The following REC114 variants were observed in gnomAD, a reference collection of about 807,000 sequenced individuals.
REC114 encodes the protein meiotic recombination protein REC114.
Under a neutral mutation model 31.3 loss-of-function variants are expected in REC114, and 27 were observed. The observed-to-expected ratio is 0.86, with a 90% CI of 0.64 to 1.19. The LOEUF (loss-of-function observed/expected upper bound fraction) is 1.19, where lower values mean the gene tolerates loss of function less well. REC114 is among the 50% of genes most tolerant of loss of function. The pLI is 0.00. For synonymous variants in REC114, 134 were observed against 127.7 expected, an observed-to-expected ratio of 1.05 and a Z score of -0.33; for missense variants, 344 against 326.9, an observed-to-expected ratio of 1.05 and a Z score of -0.40.
intron 1 of REC114, among the ~76,000 whole-genome samples, chr15:73,452,153 G>A (rs1205768454): frequency 6.6e-6 from 1 of 152,158 alleles, no homozygotes; most frequent in Non-Finnish European, 1.5e-5. Context: ...GCAAGAGAAA[G>A]AAATAAAGGG....
intron 3 of REC114, among the ~76,000 whole-genome samples, chr15:73,542,841 A>G (rs1894258464): frequency 6.6e-6 from 1 of 152,172 alleles, no homozygotes; most frequent in South Asian, 2.1e-4. Context: ...GTTTGGATGC[A>G]CTAGGGTTTA....
chr15:73,556,097 G>A lies in REC114; in HGVS notation c.547-205G>A, dbSNP rs549826840. ...GAACATCAAATAGAGGTCAGGAGCC[G>A]CAAATTTAAACTCAGTACTTCTGCT... On this transcript the variant is annotated intron_variant, in intron 4 of 5. Coordinates refer to ENST00000331090, the MANE Select transcript of REC114 (RefSeq NM_001042367.2). Among the ~76,000 whole-genome samples, 8 of 152,286 alleles carry A rather than the reference G, an allele frequency of 5.3e-5. No homozygotes were observed. The South Asian group carries it at 6.2e-4, about 12-fold the overall frequency.
At chr15:73,473,261 T>C (rs1270565182) in intron 1 of REC114, among the ~76,000 whole-genome samples, 1 of 151,978 alleles carries the variant, frequency 6.6e-6, no homozygotes, top group African/African-American at 2.4e-5. Context: ...TGGTGGCGCA[T>C]GCCTGTAATC....
At chr15:73,548,140 CTTGCTG>C (rs1201534764) in intron 3 of REC114, among the ~76,000 whole-genome samples, 1 of 151,964 alleles carries the variant, frequency 6.6e-6, no homozygotes, top group Non-Finnish European at 1.5e-5. Context: ...GAGATGGAGT[CTTGCTG>C]TTGCCAGGCT....
chr15:73,463,245 A>G (rs1393108086), intron 1 of REC114, among the ~76,000 whole-genome samples: 3 of 152,034 alleles, frequency 2.0e-5, no homozygotes, highest in Non-Finnish European at 4.4e-5. Context: ...GGTTTAAGAA[A>G]TCAGGTTGTT....
chr15:73,554,004 A>G (rs2141337322), intron 4 of REC114, among the ~76,000 whole-genome samples: 1 of 152,302 alleles, frequency 6.6e-6, no homozygotes, highest in East Asian at 1.9e-4. Flanking sequence ...ACCCAATACA[A>G]TGCCTGGCAA....
chr15:73,493,409 TTTTG>T (rs1214099479), intron 2 of REC114, among the ~76,000 whole-genome samples: 2 of 152,340 alleles, frequency 1.3e-5, no homozygotes, highest in East Asian at 1.9e-4. Flanking sequence ...CTATTTCCAG[TTTTG>T]TTTGTTTTCA....
intron 4 of REC114, among the ~76,000 whole-genome samples, chr15:73,554,318 GCT>G (rs1486259236): frequency 6.6e-6 from 1 of 152,178 alleles, no homozygotes; most frequent in African/African-American, 2.4e-5. Context: ...GGTAGCATGT[GCT>G]CTTTCTCAGA....
At chr15:73,527,134 T>TG (rs1475333854) in intron 2 of REC114, among the ~76,000 whole-genome samples, 1 of 152,160 alleles carries the variant, frequency 6.6e-6, no homozygotes, top group Non-Finnish European at 1.5e-5. Context: ...TTCTACTGAA[T>TG]GTCCTGTGTA....
At chr15:73,468,830 C>A (rs895194340) in intron 1 of REC114, among the ~76,000 whole-genome samples, 1 of 151,742 alleles carries the variant, frequency 6.6e-6, no homozygotes, top group Non-Finnish European at 1.5e-5. Context: ...TATGGTTTTT[C>A]TTTTTTAATA....
At chr15:73,446,849 A>C (rs114882919) in intron 1 of REC114, among the ~76,000 whole-genome samples, 1 of 152,218 alleles carries the variant, frequency 6.6e-6, no homozygotes, top group African/African-American at 2.4e-5. Flanking sequence ...AGTTTTAAGC[A>C]GAGGCATTTT....
intron 1 of REC114, among the ~76,000 whole-genome samples, chr15:73,444,511 A>T (rs1892741179): frequency 6.6e-6 from 1 of 152,190 alleles, no homozygotes; most frequent in African/African-American, 2.4e-5. Flanking sequence ...TTCAAGTTTT[A>T]TCGTAAAATT....
chr15:73,558,655 T>C (rs1894513655), intron 5 of REC114, among the ~76,000 whole-genome samples: 2 of 152,258 alleles, frequency 1.3e-5, no homozygotes, highest in African/African-American at 4.8e-5. Context: ...AAAGAAAAAC[T>C]GACAATACCA....
intron 2 of REC114, among the ~76,000 whole-genome samples, chr15:73,526,095 T>G (rs1894003313): frequency 6.6e-6 from 1 of 152,198 alleles, no homozygotes; most frequent in Non-Finnish European, 1.5e-5. Flanking sequence ...TTTTTATCTC[T>G]GGTAATGATC....
chr15:73,546,428 A>G (rs1244413904), intron 3 of REC114, among the ~76,000 whole-genome samples: 9 of 152,186 alleles, frequency 5.9e-5, no homozygotes, highest in Non-Finnish European at 1.2e-4. Context: ...GTGGTTTATA[A>G]TAGGAACAAA....
chr15:73,477,144 A>G (rs977019568), intron 2 of REC114, among the ~76,000 whole-genome samples: 2 of 152,092 alleles, frequency 1.3e-5, no homozygotes, highest in Non-Finnish European at 2.9e-5. Flanking sequence ...CGTATTTGCC[A>G]TTTGTATGTC....
intron 3 of REC114, among the ~76,000 whole-genome samples, chr15:73,546,224 A>T (rs1295675266): frequency 6.6e-6 from 1 of 152,218 alleles, no homozygotes; most frequent in Non-Finnish European, 1.5e-5. Flanking sequence ...ACAAAAATTT[A>T]AAAAAAGAAT....
At chr15:73,481,650 CTTTTTTT>C (rs530704232) in intron 2 of REC114, among the ~76,000 whole-genome samples, 3 of 114,062 alleles carry the variant, frequency 2.6e-5, no homozygotes, top group Non-Finnish European at 5.3e-5. Flanking sequence ...TCTTAACTCC[CTTTTTTT>C]TTTTTTTTTT....
intron 3 of REC114, among the ~76,000 whole-genome samples, chr15:73,541,835 T>C (rs1035304200): frequency 6.6e-6 from 1 of 152,160 alleles, no homozygotes; most frequent in Admixed American, 6.5e-5. Flanking sequence ...TTTCTAAATA[T>C]ACATTATTAC....
Sources: gnomAD v4.1 joint callset for allele counts (sites outside exome capture counted in the v4.1 genomes callset) on GRCh38, gnomAD v4.1.1 for gene constraint, MANE v1.5 for transcripts, NCBI Gene and HGNC (gene_info 2026-07-23, HGNC 2026-07-21) for gene names.